Variants in NDUFS4 observed in about 807,000 individuals in gnomAD.
The protein encoded by NDUFS4 is NADH dehydrogenase [ubiquinone] iron-sulfur protein 4, mitochondrial.
NDUFS4 carries 28 observed loss-of-function variants against 24.3 expected under a neutral mutation model. That is an observed-to-expected ratio of 1.15 (90% CI 0.85 to 1.58). The LOEUF (loss-of-function observed/expected upper bound fraction) is 1.58. Ranked by LOEUF, NDUFS4 falls within the 40% of genes most tolerant of loss-of-function variation. The probability of loss-of-function intolerance (pLI) is 0.00; values close to 1 mark genes in which losing one functional copy is unlikely to be tolerated. For missense variants in NDUFS4, 223 were observed against 207.9 expected (o/e 1.07, Z -0.45); for synonymous variants, 93 against 69.7 (o/e 1.34, Z -1.67).
intron 1 of NDUFS4, among the ~76,000 whole-genome samples, chr5:53,591,933 G>T (rs1749973681): frequency 2.0e-5 from 3 of 151,476 alleles, no homozygotes; most frequent in Non-Finnish European, 4.4e-5. Context: ...TTATTGATGA[G>T]TTTTGTTGTT....
chr5:53,572,716 T>C (rs918504092), intron 1 of NDUFS4, among the ~76,000 whole-genome samples: 1 of 151,624 alleles, frequency 6.6e-6, no homozygotes, highest in Non-Finnish European at 1.5e-5. Flanking sequence ...CAATCTTGGC[T>C]TACTGCAACC....
In NDUFS4 at chr5:53,683,222, G is replaced by T; in HGVS notation, c.*1G>T. 1 of 1,585,416 alleles carries T rather than the reference G, an allele frequency of 6.3e-7. No individual in the cohort carries two copies. Among genetic ancestry groups the T allele is most frequent in the East Asian group, 2.2e-5 (1 of 44,646 alleles). On this transcript the variant is annotated 3_prime_UTR_variant, in exon 5 of 5. Transcript: ENST00000296684. ...AAGAACAAGAGTATCCACAAAATAG[G>T]TTGGCACTGACTATATCTCTGCTTG...
rs774271372 is a variant in NDUFS4 at position 53,683,196 on chromosome 5, A to AAAG, written c.506_508dup (p.Arg169dup). ...TATGGTGCAAACTTTTCTTGGAACA[A>AAAG]AAGAACAAGAGTATCCACAAAATAG... On this transcript the variant is annotated inframe_insertion, in exon 5 of 5. Coordinates refer to ENST00000296684, the MANE Select transcript of NDUFS4 (RefSeq NM_002495.4). 1.5e-5 allele frequency: 24 copies of AAAG among 1,610,800 alleles called. No individual in the cohort carries two copies. The African/African-American group carries it at 2.5e-4, about 17-fold the overall frequency.
intron 3 of NDUFS4, among the ~76,000 whole-genome samples, chr5:53,647,312 T>A (rs1751898476): frequency 6.6e-6 from 1 of 152,080 alleles, no homozygotes. Context: ...TCTGGGATGA[T>A]CAAGCGGTCC....
chr5:53,661,887 C>A (rs1013222580), intron 4 of NDUFS4, among the ~76,000 whole-genome samples: 3 of 152,078 alleles, frequency 2.0e-5, no homozygotes, highest in Non-Finnish European at 2.9e-5. Context: ...GAGCTTAAGG[C>A]GATTTTGGGC....
At chr5:53,582,235 TAAAA>T (rs1561341081) in intron 1 of NDUFS4, among the ~76,000 whole-genome samples, 31 of 147,472 alleles carry the variant, frequency 2.1e-4, no homozygotes, top group Middle Eastern at 3.5e-3. Context: ...TAAAATAAAA[TAAAA>T]TAAAATTAAA....
chr5:53,675,230 T>A lies in NDUFS4; in HGVS notation c.425-7888T>A, dbSNP rs191937707. Among the ~76,000 whole-genome samples the A allele has an allele frequency of 6.0e-3, 797 of 132,720 alleles. 6 individuals are homozygous for A. The highest frequency in any genetic ancestry group is 8.9e-3 in the Non-Finnish European group (559 of 62,720). 87.1% of individuals were successfully genotyped at this position (132,720 alleles called of 152,430 possible). Reference sequence around the variant, plus strand: ...AGGCTGAAGTGCAGTGGCTGCAATCTCAGCTCACTGCAAGCTCTGCCTCCC... The same window carrying A: ...AGGCTGAAGTGCAGTGGCTGCAATCACAGCTCACTGCAAGCTCTGCCTCCC... On this transcript the variant is annotated intron_variant, in intron 4 of 4. Transcript: ENST00000296684.
chr5:53,677,571 TA>T (rs1740515963), intron 4 of NDUFS4, among the ~76,000 whole-genome samples: 1 of 152,336 alleles, frequency 6.6e-6, no homozygotes, highest in South Asian at 2.1e-4. Context: ...AAGAGACTTT[TA>T]AAGTGAAATT....
rs186256288 is a variant in NDUFS4, at chr5:53,643,894, A to G, written c.178-2339A>G. Among the ~76,000 whole-genome samples the G allele has an allele frequency of 3.5e-3, 538 of 152,304 alleles. 1 individual carries two copies. The highest frequency in any genetic ancestry group is 0.017 in the Middle Eastern group (5 of 294). ...CAAAATCAGAAACCCACTTGTTCAAATGCCAACTTTAAATTAGGGTAAGAT... is the reference window on the plus strand; with the variant it reads ...CAAAATCAGAAACCCACTTGTTCAAGTGCCAACTTTAAATTAGGGTAAGAT... On this transcript the variant is annotated intron_variant, in intron 2 of 4. Transcript: ENST00000296684.
At chr5:53,586,511 A>AGTTT (rs1362126168) in intron 1 of NDUFS4, among the ~76,000 whole-genome samples, 2 of 89,412 alleles carry the variant, frequency 2.2e-5, no homozygotes, top group South Asian at 4.5e-4. Flanking sequence ...TTAGTTAGTT[A>AGTTT]GTTTGTTTGT....
intron 1 of NDUFS4, among the ~76,000 whole-genome samples, chr5:53,600,445 A>C (rs1243038633): frequency 6.6e-6 from 1 of 151,470 alleles, no homozygotes. Context: ...AGTAGCTGGG[A>C]CTACAGGCAT....
chr5:53,574,234 C>T (rs1384849093), intron 1 of NDUFS4, among the ~76,000 whole-genome samples: 7 of 152,034 alleles, frequency 4.6e-5, no homozygotes, highest in African/African-American at 1.7e-4. Context: ...GTAGAAATAC[C>T]CTTTATTAGA....
At chr5:53,606,743 C>T (rs1472633253) in intron 2 of NDUFS4, among the ~76,000 whole-genome samples, 1 of 152,222 alleles carries the variant, frequency 6.6e-6, no homozygotes, top group African/African-American at 2.4e-5. Flanking sequence ...GAGAGATCTG[C>T]CTCCATAACC....
intron 2 of NDUFS4, among the ~76,000 whole-genome samples, chr5:53,611,835 G>T (rs546257401): frequency 2.6e-5 from 4 of 152,110 alleles, no homozygotes; most frequent in African/African-American, 7.2e-5. Context: ...CAAGTCCAAT[G>T]AACATGTTGT....
intron 1 of NDUFS4, among the ~76,000 whole-genome samples, chr5:53,601,917 ATTG>A (rs1339750253): frequency 2.6e-5 from 4 of 152,238 alleles, no homozygotes; most frequent in Non-Finnish European, 1.5e-5. Context: ...ATTATTAGTT[ATTG>A]TTAATTTATT....
At chr5:53,564,986 C>T (rs1408352609) in intron 1 of NDUFS4, among the ~76,000 whole-genome samples, 1 of 152,144 alleles carries the variant, frequency 6.6e-6, no homozygotes, top group Non-Finnish European at 1.5e-5. Context: ...TTAAAGTATT[C>T]ACTACCACTG....
chr5:53,584,481 G>T (rs760907022), intron 1 of NDUFS4, among the ~76,000 whole-genome samples: 2 of 149,802 alleles, frequency 1.3e-5, no homozygotes, highest in Non-Finnish European at 3.0e-5. Context: ...TCAGCCTCCC[G>T]AGTAGGTGCC....
chr5:53,606,629 T>G (rs1030304032), intron 2 of NDUFS4, among the ~76,000 whole-genome samples: 3 of 152,184 alleles, frequency 2.0e-5, no homozygotes, highest in African/African-American at 4.8e-5. Context: ...CCTCCCGAAG[T>G]GCTGGGATTA....
intron 2 of NDUFS4, among the ~76,000 whole-genome samples, chr5:53,616,063 A>G (rs1387669198): frequency 6.6e-6 from 1 of 152,150 alleles, no homozygotes; most frequent in African/African-American, 2.4e-5. Context: ...TGGCAGCTAT[A>G]GCCTGTGCCT....
Sources: allele counts gnomAD v4.1 joint callset (sites outside exome capture counted in the v4.1 genomes callset), GRCh38; gene constraint gnomAD v4.1.1; transcripts MANE v1.5; gene names NCBI Gene and HGNC (gene_info 2026-07-23, HGNC 2026-07-21).